METAP1D: variants seen among roughly 807,000 people sequenced by gnomAD.
The protein encoded by METAP1D is methionine aminopeptidase 1D, mitochondrial.
In METAP1D, 31 loss-of-function variants were observed where a neutral mutation model predicts 40.5. The ratio of observed to expected loss-of-function variants is 0.77; its 90% CI spans 0.58 to 1.03. The LOEUF is 1.03. Ranked by LOEUF, METAP1D falls within the 50% of genes least tolerant of loss-of-function variation. The probability of loss-of-function intolerance (pLI) is 0.00; values close to 1 mark genes in which losing one functional copy is unlikely to be tolerated. For synonymous variants in METAP1D, 151 were observed against 146.4 expected (o/e 1.03, Z -0.22); for missense variants, 411 against 420.7 (o/e 0.98, Z 0.20).
intron 5 of METAP1D, among the ~76,000 whole-genome samples, chr2:172,069,880 G>C (rs1363713207): frequency 6.6e-6 from 1 of 152,120 alleles, no homozygotes; most frequent in Non-Finnish European, 1.5e-5. Flanking sequence ...CACAGAATAT[G>C]AGAGCATTTT....
Position 172,063,912 on chromosome 2 carries a change from CCT to C in METAP1D, c.348+55_348+56del, listed in dbSNP as rs371000637. 9.6e-4 allele frequency: 1,433 copies of C among 1,489,160 alleles called. 19 individuals carry two copies. The East Asian group carries it at 0.018, about 19-fold the overall frequency. 92.2% of individuals were successfully genotyped at this position (1,489,160 alleles called of 1,614,324 possible). On this transcript the variant is annotated intron_variant, in intron 3 of 9. Coordinates refer to ENST00000315796, the MANE Select transcript of METAP1D (RefSeq NM_199227.3). ...ACTTACATAAGGGGCAACAAACACTCCTCTTTTTTTCCTTCTCCTTAACTCTT... is the reference window on the plus strand; with the variant it reads ...ACTTACATAAGGGGCAACAAACACTCCTTTTTTTCCTTCTCCTTAACTCTT...
chr2:172,052,178 ATGT>A (rs1225650480), intron 1 of METAP1D, among the ~76,000 whole-genome samples: 2 of 152,218 alleles, frequency 1.3e-5, no homozygotes, highest in Non-Finnish European at 2.9e-5. Flanking sequence ...CTCTTTAGAA[ATGT>A]TGTTTAATAA....
chr2:172,018,009 C>T (rs1423819280), intron 1 of METAP1D, among the ~76,000 whole-genome samples: 1 of 151,518 alleles, frequency 6.6e-6, no homozygotes, highest in African/African-American at 2.4e-5. Flanking sequence ...CACCTGTAAT[C>T]CCAGCTACTT....
At chr2:172,041,698 AC>A (rs1460094235) in intron 1 of METAP1D, among the ~76,000 whole-genome samples, 3 of 91,546 alleles carry the variant, frequency 3.3e-5, no homozygotes, top group African/African-American at 1.0e-4. Context: ...GAATATAAAA[AC>A]GTTTTAATTT....
chr2:172,029,379 C>T (rs1295957239), intron 1 of METAP1D, among the ~76,000 whole-genome samples: 1 of 152,216 alleles, frequency 6.6e-6, no homozygotes, highest in Non-Finnish European at 1.5e-5. Flanking sequence ...GCTGAGATCA[C>T]ACCACTGCAC....
At chr2:172,033,368 T>A (rs972232492) in intron 1 of METAP1D, among the ~76,000 whole-genome samples, 1 of 152,014 alleles carries the variant, frequency 6.6e-6, no homozygotes, top group Non-Finnish European at 1.5e-5. Context: ...TTTTTTTTTT[T>A]TTTGAGACGG....
chr2:172,069,989 T>G (rs1357848049), intron 5 of METAP1D, among the ~76,000 whole-genome samples: 1 of 152,184 alleles, frequency 6.6e-6, no homozygotes, highest in Non-Finnish European at 1.5e-5. Flanking sequence ...AGTTTCTACA[T>G]TCTACCTTAT....
intron 1 of METAP1D, among the ~76,000 whole-genome samples, chr2:172,007,726 G>T (rs547331774): frequency 6.6e-6 from 1 of 152,250 alleles, no homozygotes; most frequent in East Asian, 1.9e-4. Context: ...CAGAGTCTCT[G>T]TTGCCCAGGA....
chr2:172,019,185 C>T (rs890325458), intron 1 of METAP1D, among the ~76,000 whole-genome samples: 3 of 151,990 alleles, frequency 2.0e-5, no homozygotes, highest in Non-Finnish European at 2.9e-5. Context: ...GAACCCATCT[C>T]TACAGAATAT....
chr2:172,026,357 GC>G (rs1689120285), intron 1 of METAP1D, among the ~76,000 whole-genome samples: 1 of 152,096 alleles, frequency 6.6e-6, no homozygotes, highest in Admixed American at 6.5e-5. Context: ...CAGTTTTCTG[GC>G]AGGAATACAT....
intron 6 of METAP1D, chr2:172,072,264 G>T (rs1690439096): frequency 6.0e-6 from 1 of 166,930 alleles, no homozygotes; most frequent in Non-Finnish European, 1.5e-5. Context: ...GGGATGAGTC[G>T]ATAGATGCAC....
At chr2:172,002,909 C>G (rs1688497738) in intron 1 of METAP1D, among the ~76,000 whole-genome samples, 1 of 152,082 alleles carries the variant, frequency 6.6e-6, no homozygotes. Flanking sequence ...CTTGTGACGC[C>G]TCAACTCATT....
intron 1 of METAP1D, among the ~76,000 whole-genome samples, chr2:172,031,625 G>A (rs376555809): frequency 6.6e-6 from 1 of 152,140 alleles, no homozygotes; most frequent in African/African-American, 2.4e-5. Flanking sequence ...CACAGACTTG[G>A]AGTAGAGTCC....
At chr2:172,033,647 G>A (rs1354082982) in intron 1 of METAP1D, among the ~76,000 whole-genome samples, 1 of 151,834 alleles carries the variant, frequency 6.6e-6, no homozygotes, top group Admixed American at 6.6e-5. Context: ...TGAGCCACCG[G>A]GCCCAGCCCA....
chr2:172,006,452 G>T (rs1688586956), intron 1 of METAP1D, among the ~76,000 whole-genome samples: 1 of 152,122 alleles, frequency 6.6e-6, no homozygotes, highest in South Asian at 2.1e-4. Context: ...CAAAGTGCTG[G>T]GATTACAGGT....
rs1051895081 is a variant in METAP1D at position 172,080,466 on chromosome 2, C to T, written c.*60C>T. 1 of 1,564,712 alleles carries T rather than the reference C, an allele frequency of 6.4e-7. No individual in the cohort carries two copies. On this transcript the variant is annotated 3_prime_UTR_variant, in exon 10 of 10. Coordinates refer to ENST00000315796, the MANE Select transcript of METAP1D (RefSeq NM_199227.3). ...TTTTAAATAAATTGCTGAAATTTGG[C>T]TGGAGAACTTTTAGAAGAAACAGGG...
Position 172,048,934 on chromosome 2 carries a change from G to GT in METAP1D, c.41-12557dup, listed in dbSNP as rs548468423. ...TGCTATATACAGATAAAGAGTACAT[G>GT]TTTTTTTGGTGGTTGGGGTGGTTTT... On this transcript the variant is annotated intron_variant, in intron 1 of 9. Coordinates refer to ENST00000315796, the MANE Select transcript of METAP1D (RefSeq NM_199227.3). Among the ~76,000 whole-genome samples, 39 of 152,178 alleles carry GT rather than the reference G, an allele frequency of 2.6e-4. 2 individuals are homozygous for GT. Among genetic ancestry groups the GT allele is most frequent in the African/African-American group, 9.4e-4 (39 of 41,540 alleles).
chr2:172,033,617 A>T lies in METAP1D; in HGVS notation c.41-27881A>T, dbSNP rs570719626. Among the ~76,000 whole-genome samples, 48 of 152,184 alleles carry T rather than the reference A, an allele frequency of 3.2e-4. 1 individual carries two copies. The highest frequency in any genetic ancestry group is 2.9e-3 in the Admixed American group (44 of 15,286). ...GTGATGTGCCTGTCTCGGCCTCCCA[A>T]AGTGCAGGGATTACAGGTGTGAGCC... On this transcript the variant is annotated intron_variant, in intron 1 of 9. Coordinates refer to ENST00000315796, the MANE Select transcript of METAP1D (RefSeq NM_199227.3).
intron 6 of METAP1D, among the ~76,000 whole-genome samples, chr2:172,076,376 T>C (rs1398616046): frequency 6.6e-6 from 1 of 152,118 alleles, no homozygotes; most frequent in Non-Finnish European, 1.5e-5. Flanking sequence ...TTCCACCCTG[T>C]ATTCACTCTT....
Sources: allele counts gnomAD v4.1 joint callset (sites outside exome capture counted in the v4.1 genomes callset), GRCh38; gene constraint gnomAD v4.1.1; transcripts MANE v1.5; gene names NCBI Gene and HGNC (gene_info 2026-07-23, HGNC 2026-07-21).